DGLUCY: variants seen among roughly 807,000 people sequenced by gnomAD.
DGLUCY encodes the protein D-glutamate cyclase, also known as D-glutamate cyclase, mitochondrial.
DGLUCY carries 58 observed loss-of-function variants against 58.5 expected under a neutral mutation model. The ratio of observed to expected loss-of-function variants is 0.99; its 90% confidence interval spans 0.80 to 1.23. DGLUCY has a LOEUF of 1.23. Ranked by LOEUF, DGLUCY falls within the 50% of genes most tolerant of loss-of-function variation. The pLI is 0.00. For synonymous variants in DGLUCY, 325 were observed against 314.1 expected (o/e 1.03, Z -0.37); for missense variants, 779 against 784.7 (o/e 0.99, Z 0.09).
At position 91,225,472 on chromosome 14, in the gene DGLUCY, A is replaced by T. The variant is rs1032142596; in HGVS notation, c.*639A>T. 1 of 152,238 alleles carries T rather than the reference A, an allele frequency of 6.6e-6. No homozygotes were observed. The highest frequency in any genetic ancestry group is 2.4e-5 in the African/African-American group (1 of 41,444). 9.4% of individuals were successfully genotyped at this position (152,238 alleles called of 1,614,324 possible). Reference sequence around the variant, plus strand: ...GTGCTGTCTACACCACCCGCCTGCCAGTCACCCAGCAGGTGATCAGATCGA... The same window carrying T: ...GTGCTGTCTACACCACCCGCCTGCCTGTCACCCAGCAGGTGATCAGATCGA... On this transcript the variant is annotated 3_prime_UTR_variant, in exon 14 of 14. Coordinates refer to ENST00000256324, the MANE Select transcript of DGLUCY (RefSeq NM_001102368.3).
chr14:91,070,904 A>C (rs779072996), intron 1 of DGLUCY, among the ~76,000 whole-genome samples: 12 of 152,212 alleles, frequency 7.9e-5, no homozygotes, highest in Non-Finnish European at 1.6e-4. Context: ...CAGAGTGATC[A>C]ATAACAAAGT....
chr14:91,121,140 A>ATTTTTTTTTTG (rs2045333526), intron 1 of DGLUCY, among the ~76,000 whole-genome samples: 1 of 152,200 alleles, frequency 6.6e-6, no homozygotes, highest in Non-Finnish European at 1.5e-5. Context: ...TGTCTGTCAA[A>ATTTTTTTTTTG]GCTCATGCAA....
chr14:91,130,668 G>C (rs1396032755), intron 1 of DGLUCY, among the ~76,000 whole-genome samples: 1 of 152,034 alleles, frequency 6.6e-6, no homozygotes, highest in Non-Finnish European at 1.5e-5. Flanking sequence ...CACCCAGGCT[G>C]GAGTGCAGTC....
chr14:91,149,132 A>G (rs1026602452), intron 1 of DGLUCY, among the ~76,000 whole-genome samples: 1 of 151,830 alleles, frequency 6.6e-6, no homozygotes, highest in Non-Finnish European at 1.5e-5. Flanking sequence ...CTGTAATCCC[A>G]GCTACTCGGG....
intron 1 of DGLUCY, among the ~76,000 whole-genome samples, chr14:91,101,026 A>G (rs1394968422): frequency 6.6e-6 from 1 of 152,096 alleles, no homozygotes; most frequent in African/African-American, 2.4e-5. Context: ...AGCCGAGATC[A>G]TGCTGCTCCA....
chr14:91,169,262 A>G (rs1283883614), intron 4 of DGLUCY, among the ~76,000 whole-genome samples: 1 of 152,090 alleles, frequency 6.6e-6, no homozygotes, highest in Non-Finnish European at 1.5e-5. Flanking sequence ...TTTCAACCCT[A>G]CAGAAGAGTT....
chr14:91,087,705 G>A (rs2044246116), intron 1 of DGLUCY, among the ~76,000 whole-genome samples: 1 of 152,138 alleles, frequency 6.6e-6, no homozygotes, highest in Admixed American at 6.5e-5. Context: ...TACAGAATGT[G>A]AGGTCCCATT....
upstream of DGLUCY, among the ~76,000 whole-genome samples, chr14:91,111,236 GTGTGTGTGTGTGTATATATC>G (rs2044691553): frequency 9.1e-6 from 1 of 109,908 alleles, no homozygotes; most frequent in African/African-American, 3.7e-5. Flanking sequence ...GTGTGTGTGT[GTGTGTGTGTGTGTATATATC>G]TATATATCTA....
intron 1 of DGLUCY, among the ~76,000 whole-genome samples, chr14:91,095,452 G>C (rs892921227): frequency 6.6e-6 from 1 of 152,190 alleles, no homozygotes; most frequent in Non-Finnish European, 1.5e-5. Context: ...ATCTTTACAC[G>C]TGAAGGCAAG....
upstream of DGLUCY, among the ~76,000 whole-genome samples, chr14:91,104,342 G>T (rs184766961): frequency 1.3e-5 from 2 of 151,908 alleles, no homozygotes; most frequent in Admixed American, 6.6e-5. Context: ...GATTACAGGC[G>T]TGAGCCACCG....
At chr14:91,193,842 A>AG (rs2050049012) in intron 9 of DGLUCY, among the ~76,000 whole-genome samples, 3 of 131,892 alleles carry the variant, frequency 2.3e-5, no homozygotes, top group African/African-American at 9.3e-5. Context: ...ATTCCATCTT[A>AG]GAAAAAAAAA....
In DGLUCY at chr14:91,074,160, C is replaced by CACACACACAT. The variant is rs1453975330; in HGVS notation, c.-82+13457_-82+13458insCACACACATA. Reference sequence around the variant, plus strand: ...ACACACACACACACACACACACACACAGTCAAGCACCTGTATTCCCAGCTA... The same window carrying CACACACACAT: ...ACACACACACACACACACACACACACACACACACATAGTCAAGCACCTGTATTCCCAGCTA... On this transcript the variant is annotated intron_variant, in intron 1 of 4. Transcript: ENST00000521334. Among the ~76,000 whole-genome samples the CACACACACAT allele has an allele frequency of 2.0e-3, 269 of 136,080 alleles. 2 individuals are homozygous for CACACACACAT. The highest frequency in any genetic ancestry group is 0.011 in the Middle Eastern group (3 of 264). 89.3% of individuals were successfully genotyped at this position (136,080 alleles called of 152,430 possible).
intron 1 of DGLUCY, among the ~76,000 whole-genome samples, chr14:91,149,262 G>A (rs1286229269): frequency 1.3e-5 from 2 of 150,022 alleles, no homozygotes; most frequent in East Asian, 1.9e-4. Flanking sequence ...AAAAAAAAAA[G>A]AAAAGAAAAG....
chr14:91,118,723 G>A (rs1248300825), intron 1 of DGLUCY, among the ~76,000 whole-genome samples: 1 of 152,206 alleles, frequency 6.6e-6, no homozygotes, highest in Admixed American at 6.5e-5. Context: ...GCCTGGACTA[G>A]TATTTCAGGT....
In DGLUCY at chr14:91,187,103, G is replaced by A. The variant is rs189407116; in HGVS notation, c.935-1807G>A. Among the ~76,000 whole-genome samples, 346 of 152,014 alleles carry A rather than the reference G, an allele frequency of 2.3e-3. 4 individuals carry two copies. Among genetic ancestry groups the A allele is most frequent in the African/African-American group, 7.9e-3 (326 of 41,464 alleles). ...CAACCTCCACCTCCCGAGTTGAAGC[G>A]ATTCTCCTGCCTCAGCCTCCTGAGT... On this transcript the variant is annotated intron_variant, in intron 8 of 13. Coordinates refer to ENST00000256324, the MANE Select transcript of DGLUCY (RefSeq NM_001102368.3).
chr14:91,067,495 T>C (rs1209225967), intron 1 of DGLUCY, among the ~76,000 whole-genome samples: 1 of 152,074 alleles, frequency 6.6e-6, no homozygotes, highest in Non-Finnish European at 1.5e-5. Flanking sequence ...AAAGTATACA[T>C]AGATAAGAAA....
At chr14:91,103,595 A>G (rs1343885063), upstream of DGLUCY, among the ~76,000 whole-genome samples, 1 of 152,094 alleles carries the variant, frequency 6.6e-6, no homozygotes, top group East Asian at 1.9e-4. Flanking sequence ...GCAAAGGCAA[A>G]TCGCGCAACT....
chr14:91,096,844 G>A (rs1425128730), intron 1 of DGLUCY, among the ~76,000 whole-genome samples: 1 of 152,236 alleles, frequency 6.6e-6, no homozygotes, highest in Non-Finnish European at 1.5e-5. Context: ...TGGGTCAGCT[G>A]TAGTCAAGAG....
intron 1 of DGLUCY, among the ~76,000 whole-genome samples, chr14:91,086,706 C>T (rs868455947): frequency 1.3e-4 from 20 of 152,166 alleles, no homozygotes; most frequent in Middle Eastern, 3.4e-3. Context: ...ATCAGGTGAG[C>T]TTTGAGGGCT....
Sources: gnomAD v4.1 joint callset for allele counts (sites outside exome capture counted in the v4.1 genomes callset) on GRCh38, gnomAD v4.1.1 for gene constraint, MANE v1.5 for transcripts, NCBI Gene and HGNC (gene_info 2026-07-23, HGNC 2026-07-21) for gene names.